The following RABGAP1L variants were observed in gnomAD, a reference collection of about 807,000 sequenced individuals.
RABGAP1L encodes RAB GTPase activating protein 1 like, also known as rab GTPase-activating protein 1-like.
In RABGAP1L, 63 loss-of-function variants were observed where a neutral mutation model predicts 137.7. The ratio of observed to expected loss-of-function variants is 0.46; its 90% CI spans 0.37 to 0.56. The LOEUF (loss-of-function observed/expected upper bound fraction) is 0.56, where lower values mean the gene tolerates loss of function less well. Among genes scored for constraint, RABGAP1L ranks in the 20% least tolerant of loss-of-function variants. The probability of loss-of-function intolerance (pLI) is 0.00; values close to 1 mark genes in which losing one functional copy is unlikely to be tolerated. For synonymous variants in RABGAP1L, 431 were observed against 433.7 expected (o/e 0.99, Z 0.08); for missense variants, 1,095 against 1,244.0 (o/e 0.88, Z 1.80).
rs114484166 is a variant in RABGAP1L at position 174,531,195 on chromosome 1, A to G, written c.1711-106180A>G. Among the ~76,000 whole-genome samples, 1,166 of 150,812 alleles carry G rather than the reference A, an allele frequency of 7.7e-3. 16 individuals carry two copies. The highest frequency in any genetic ancestry group is 0.028 in the African/African-American group (1,126 of 40,448). Reference sequence around the variant, plus strand: ...TAGTGGCTACCTATTAAAGATGGCTATAATACAGGTTAGTTATAACACAGG... The same window carrying G: ...TAGTGGCTACCTATTAAAGATGGCTGTAATACAGGTTAGTTATAACACAGG... On this transcript the variant is annotated intron_variant, in intron 13 of 25. Transcript: ENST00000681986.
chr1:174,448,037 C>A lies in RABGAP1L; in HGVS notation c.1710+53892C>A. On this transcript the variant is annotated intron_variant, in intron 13 of 25. Transcript: ENST00000681986. The surrounding 1 kb of genome is among the most constrained non-coding windows in gnomAD (Gnocchi z 4.2). ...AAGCAGGTTCTGAAACACTCATGTG[C>A]GGTGTTTAACAGATGCTGGGCAGGG... 1 of 1,230,712 alleles carries A rather than the reference C, an allele frequency of 8.1e-7. No individual in the cohort carries two copies. The highest frequency in any genetic ancestry group is 1.2e-6 in the Non-Finnish European group (1 of 861,502). 76.2% of individuals were successfully genotyped at this position (1,230,712 alleles called of 1,614,324 possible).
chr1:174,312,427 C>T (rs983028143), intron 11 of RABGAP1L, among the ~76,000 whole-genome samples: 12 of 151,916 alleles, frequency 7.9e-5, no homozygotes, highest in African/African-American at 1.9e-4. Flanking sequence ...ATCTTTTGCC[C>T]GTGTGTTAAT....
intron 18 of RABGAP1L, among the ~76,000 whole-genome samples, chr1:174,810,051 A>G (rs1015277831): frequency 1.3e-5 from 2 of 152,040 alleles, no homozygotes; most frequent in Non-Finnish European, 2.9e-5. Context: ...CCATTTTTTG[A>G]TTACTAATTT....
intron 13 of RABGAP1L, among the ~76,000 whole-genome samples, chr1:174,516,461 C>A (rs1466112125): frequency 6.6e-6 from 1 of 152,114 alleles, no homozygotes; most frequent in Non-Finnish European, 1.5e-5. Context: ...TCAAGTGATC[C>A]TCTCTCCTTG....
intron 13 of RABGAP1L, among the ~76,000 whole-genome samples, chr1:174,480,839 A>G (rs562460346): frequency 1.3e-5 from 2 of 152,280 alleles, no homozygotes; most frequent in South Asian, 4.1e-4. Context: ...GGACCAAATG[A>G]CCTTTTTGGG....
chr1:174,423,743 T>A (rs923624114), intron 13 of RABGAP1L, among the ~76,000 whole-genome samples: 1 of 152,146 alleles, frequency 6.6e-6, no homozygotes, highest in Non-Finnish European at 1.5e-5. Context: ...CCCTTTCTTA[T>A]AGGGAATGCT....
intron 20 of RABGAP1L, among the ~76,000 whole-genome samples, chr1:174,961,760 C>T (rs963152716): frequency 2.1e-5 from 3 of 142,018 alleles, no homozygotes; most frequent in African/African-American, 5.2e-5. Context: ...GCATGAGAAT[C>T]GCTTGAGCCT....
chr1:174,424,834 C>G (rs948656329), intron 13 of RABGAP1L, among the ~76,000 whole-genome samples: 2 of 151,908 alleles, frequency 1.3e-5, no homozygotes, highest in Admixed American at 6.6e-5. Context: ...ATGATTAACA[C>G]TTTATTGGAA....
intron 13 of RABGAP1L, among the ~76,000 whole-genome samples, chr1:174,412,933 A>G (rs918700806): frequency 2.0e-5 from 3 of 152,090 alleles, no homozygotes; most frequent in East Asian, 3.9e-4. Context: ...TCTTGTGACT[A>G]TATATCCTGG....
intron 14 of RABGAP1L, among the ~76,000 whole-genome samples, chr1:174,682,379 C>T (rs955151445): frequency 1.3e-5 from 2 of 150,836 alleles, no homozygotes; most frequent in Admixed American, 6.6e-5. Context: ...AATTCTAATT[C>T]AGGGTTCAGT....
chr1:174,800,643 A>G (rs1047975096), intron 18 of RABGAP1L: 11 of 1,259,460 alleles, frequency 8.7e-6, no homozygotes, highest in Admixed American at 2.7e-5. Flanking sequence ...CTGAGTGGCC[A>G]CTGTTGTGCA....
intron 17 of RABGAP1L, among the ~76,000 whole-genome samples, chr1:174,727,474 A>G (rs1003516865): frequency 1.3e-5 from 2 of 152,210 alleles, no homozygotes; most frequent in Admixed American, 1.3e-4. Context: ...CCCCCACAGA[A>G]TGCCTTTTCT....
At chr1:174,699,753 A>G (rs1679510656) in intron 16 of RABGAP1L, 103 bp downstream of exon 16, 3 of 1,140,960 alleles carry the variant, frequency 2.6e-6, no homozygotes, top group Non-Finnish European at 3.7e-6. Flanking sequence ...GTTTAATGGA[A>G]TATTATAGAA....
At chr1:174,972,679 C>T (rs1010482103) in intron 21 of RABGAP1L, among the ~76,000 whole-genome samples, 4 of 151,876 alleles carry the variant, frequency 2.6e-5, no homozygotes, top group East Asian at 3.9e-4. Flanking sequence ...ACGGTGAAAC[C>T]GAGTCTCTAT....
intron 13 of RABGAP1L, among the ~76,000 whole-genome samples, chr1:174,440,230 C>T (rs1020492404): frequency 6.6e-6 from 1 of 152,134 alleles, no homozygotes; most frequent in African/African-American, 2.4e-5. Context: ...GTTTTTGTAG[C>T]ACCTATTAAG....
chr1:174,539,100 G>T (rs1016359016), intron 13 of RABGAP1L, among the ~76,000 whole-genome samples: 1 of 152,018 alleles, frequency 6.6e-6, no homozygotes, highest in African/African-American at 2.4e-5. Context: ...CCTATTTACA[G>T]TATAGTTTTC....
chr1:174,987,985 AT>A (rs1671748446), intron 24 of RABGAP1L, among the ~76,000 whole-genome samples: 2 of 151,824 alleles, frequency 1.3e-5, no homozygotes, highest in Non-Finnish European at 2.9e-5. Context: ...AATTTTTTGT[AT>A]TTTTAGTAGA....
chr1:174,803,272 T>A, intron 18 of RABGAP1L, among the ~76,000 whole-genome samples: 1 of 152,238 alleles, frequency 6.6e-6, no homozygotes, highest in Non-Finnish European at 1.5e-5. Flanking sequence ...GAATTTTTGC[T>A]TGTTACCCTT....
intron 19 of RABGAP1L, chr1:174,877,325 A>C: frequency 4.6e-6 from 6 of 1,305,416 alleles, no homozygotes; most frequent in East Asian, 2.5e-5. Flanking sequence ...CTGTGATAGC[A>C]GCCGCTTTTT....
Sources: allele counts gnomAD v4.1 joint callset (sites outside exome capture counted in the v4.1 genomes callset), GRCh38; gene constraint gnomAD v4.1.1; non-coding constraint Gnocchi (gnomAD v3.1); transcripts MANE v1.5; gene names NCBI Gene and HGNC (gene_info 2026-07-23, HGNC 2026-07-21).